The following ALDH7A1 variants were observed in gnomAD, a reference collection of about 807,000 sequenced individuals.
ALDH7A1 encodes the protein alpha-aminoadipic semialdehyde dehydrogenase.
In ALDH7A1, 63 loss-of-function variants were observed where a neutral mutation model predicts 79.9. The observed-to-expected ratio is 0.79, with a 90% CI of 0.64 to 0.97. The LOEUF (loss-of-function observed/expected upper bound fraction) is 0.97. Ranked by LOEUF, ALDH7A1 falls within the 50% of genes least tolerant of loss-of-function variation. The pLI is 0.00. For missense variants in ALDH7A1, 627 were observed against 665.2 expected (o/e 0.94, Z 0.63); for synonymous variants, 240 against 231.2 (o/e 1.04, Z -0.34).
intron 5 of ALDH7A1, 38 bp downstream of exon 5, chr5:126,582,813 A>G: frequency 6.2e-7 from 1 of 1,610,852 alleles, no homozygotes; most frequent in South Asian, 1.1e-5. Flanking sequence ...TCTGTATATC[A>G]GAGTACAAAA....
At chr5:126,576,924 T>C (rs925786209) in intron 6 of ALDH7A1, among the ~76,000 whole-genome samples, 155 bp downstream of exon 6, 9 of 151,996 alleles carry the variant, frequency 5.9e-5, no homozygotes, top group Non-Finnish European at 1.3e-4. Context: ...TGAAACTCCA[T>C]CTCAAAAAAA....
chr5:126,568,251 A>G lies in ALDH7A1; in HGVS notation c.871+8T>C. 4 of 1,613,886 alleles carry G rather than the reference A, an allele frequency of 2.5e-6. No individual in the cohort carries two copies. The highest frequency in any genetic ancestry group is 3.4e-6 in the Non-Finnish European group (4 of 1,179,766). On this transcript the variant is annotated splice_region_variant and intron_variant, in intron 9 of 17. Coordinates refer to ENST00000409134, the MANE Select transcript of ALDH7A1 (RefSeq NM_001182.5). The stretch of plus-strand genomic sequence containing the variant: ...AATTAAAATCCTCATTAGAAAGCCA[A>G]CACTTACCAAACCTCTCCTGCACCA...
At chr5:126,548,251 C>T (rs546159540) in intron 16 of ALDH7A1, among the ~76,000 whole-genome samples, 6 of 152,124 alleles carry the variant, frequency 3.9e-5, no homozygotes, top group South Asian at 2.1e-4. Context: ...TTGGCTTAAG[C>T]GAGCCTTGCA....
rs543181020 is a variant in ALDH7A1 at position 126,593,397 on chromosome 5, G to A, written c.200C>T (p.Thr67Met). The change falls in exon 2 of 18, where the codon ACG (threonine) becomes ATG (methionine). Residue 67 changes from threonine (T) to methionine (M), a missense_variant. Thr to Met is a moderately conservative substitution (Grantham distance 81). Transcript: ENST00000409134. ...GSWGGRGEVI[T>M]TYCPANNEPI... ...CTCGTTGTTAGCAGGGCAATAGGTC[G>A]TAATAACCTTAAAACAAAAGGATGA... 311 of 1,613,368 alleles carry A rather than the reference G, an allele frequency of 1.9e-4. 1 individual carries two copies. In the South Asian group the frequency reaches 2.5e-3, roughly 13 times the overall value.
intron 3 of ALDH7A1, among the ~76,000 whole-genome samples, chr5:126,589,495 G>T (rs1372480355): frequency 6.6e-6 from 1 of 151,806 alleles, no homozygotes; most frequent in Non-Finnish European, 1.5e-5. Flanking sequence ...TATATGTATA[G>T]GAAGGCCAGG....
At chr5:126,565,203 G>A (rs527762201) in intron 9 of ALDH7A1, among the ~76,000 whole-genome samples, 18 of 151,958 alleles carry the variant, frequency 1.2e-4, no homozygotes, top group Non-Finnish European at 2.4e-4. Context: ...GACCAGCCTG[G>A]CCAAGATGGT....
intron 11 of ALDH7A1, among the ~76,000 whole-genome samples, chr5:126,557,084 T>C (rs746930794): frequency 3.9e-5 from 6 of 152,226 alleles, no homozygotes; most frequent in Non-Finnish European, 7.3e-5. Flanking sequence ...TCATTTCATA[T>C]TTTACCATGT....
intron 6 of ALDH7A1, among the ~76,000 whole-genome samples, chr5:126,576,486 C>A (rs1750974160): frequency 6.6e-6 from 1 of 152,062 alleles, no homozygotes; most frequent in African/African-American, 2.4e-5. Context: ...TAATTTCTTC[C>A]ACTGAACACA....
intron 1 of ALDH7A1, chr5:126,593,998 C>G (rs143434416): frequency 1.9e-4 from 56 of 296,548 alleles, no homozygotes; most frequent in African/African-American, 1.0e-3. Context: ...TCTACCAAGG[C>G]AGGTTCATTA....
At chr5:126,573,247 T>TTTTG (rs1276141879) in intron 7 of ALDH7A1, among the ~76,000 whole-genome samples, 3 of 151,866 alleles carry the variant, frequency 2.0e-5, no homozygotes, top group Non-Finnish European at 4.4e-5. Flanking sequence ...TTTTGTTTTG[T>TTTTG]TTTGTTTGTT....
intron 5 of ALDH7A1, among the ~76,000 whole-genome samples, chr5:126,578,282 C>G (rs1751045370): frequency 6.6e-6 from 1 of 151,800 alleles, no homozygotes; most frequent in Admixed American, 6.6e-5. Flanking sequence ...GAGGGAGACT[C>G]CGCCTCAAAA....
chr5:126,583,125 A>C, intron 4 of ALDH7A1, 151 bp from the exon 5 acceptor site: 4 of 973,610 alleles, frequency 4.1e-6, no homozygotes, highest in South Asian at 1.5e-5. Context: ...AAACACAACA[A>C]TTGCCTTCAC....
chr5:126,558,799 T>C (rs564876097), intron 11 of ALDH7A1, among the ~76,000 whole-genome samples: 7 of 152,350 alleles, frequency 4.6e-5, no homozygotes, highest in Non-Finnish European at 7.3e-5. Flanking sequence ...GTGTTAGAAT[T>C]CTATGCTTGA....
At chr5:126,556,506 A>G (rs1319226113) in intron 11 of ALDH7A1, among the ~76,000 whole-genome samples, 1 of 152,094 alleles carries the variant, frequency 6.6e-6, no homozygotes, top group Non-Finnish European at 1.5e-5. Context: ...AGTCTCCCAA[A>G]GTGCTGGGAT....
intron 13 of ALDH7A1, 99 bp from the exon 14 acceptor site, chr5:126,552,236 A>T: frequency 1.2e-6 from 1 of 825,160 alleles, no homozygotes; most frequent in Non-Finnish European, 2.0e-6. Flanking sequence ...AAAGAAAAAA[A>T]TTAGCATCAT....
rs886059837 is a variant in ALDH7A1, at chr5:126,542,600, G to C, written c.*2365C>G. The C allele has an allele frequency of 1.3e-5, 2 of 152,386 alleles. No individual in the cohort carries two copies. Among genetic ancestry groups the C allele is most frequent in the Non-Finnish European group, 1.5e-5 (1 of 68,124 alleles). 9.4% of individuals were successfully genotyped at this position (152,386 alleles called of 1,614,324 possible). A position where few individuals can be genotyped will look rare whatever the true frequency, so the allele number is the denominator to read the frequency against. On this transcript the variant is annotated 3_prime_UTR_variant, in exon 18 of 18. Coordinates refer to ENST00000409134, the MANE Select transcript of ALDH7A1 (RefSeq NM_001182.5). ...GGATAGATTGAGCCCAGGAGTTGGA[G>C]GCTGCAGTGAGCCACTATTGCACCA... is the stretch of plus-strand genomic sequence containing the variant.
rs1749613814 is a variant in ALDH7A1 at position 126,542,048 on chromosome 5, T to A, written c.*2917A>T. On this transcript the variant is annotated 3_prime_UTR_variant, in exon 18 of 18. Transcript: ENST00000409134. The stretch of plus-strand genomic sequence containing the variant: ...TATTCAATCAATATGGGGATAAAGT[T>A]CTTCCCCTTGGATAGGAGAGGTTTC... 6.6e-6 allele frequency: 1 copy of A among 151,772 alleles called. No individual in the cohort carries two copies. Among genetic ancestry groups the A allele is most frequent in the African/African-American group, 2.4e-5 (1 of 41,332 alleles). 9.4% of individuals were successfully genotyped at this position (151,772 alleles called of 1,614,324 possible). A position where few individuals can be genotyped will look rare whatever the true frequency, so the allele number is the denominator to read the frequency against.
intron 3 of ALDH7A1, chr5:126,588,038 A>T (rs1751413911): frequency 6.6e-6 from 1 of 152,208 alleles, no homozygotes; most frequent in Admixed American, 6.6e-5. Context: ...ATGAGAAAGG[A>T]TGTTAGGTGC....
intron 16 of ALDH7A1, among the ~76,000 whole-genome samples, chr5:126,547,729 C>G (rs927646089): frequency 1.3e-5 from 2 of 152,140 alleles, no homozygotes; most frequent in Non-Finnish European, 2.9e-5. Context: ...GACATCAATT[C>G]AAAGGTAAAT....
Sources: allele counts gnomAD v4.1 joint callset (sites outside exome capture counted in the v4.1 genomes callset), GRCh38; gene constraint gnomAD v4.1.1; transcripts MANE v1.5; gene names NCBI Gene and HGNC (gene_info 2026-07-23, HGNC 2026-07-21).